Variants in MGAT4C observed in about 807,000 individuals in gnomAD.
MGAT4C encodes the protein MGAT4 family member C, also known as alpha-1,3-mannosyl-glycoprotein 4-beta-N-acetylglucosaminyltransferase C.
In MGAT4C, 19 loss-of-function variants were observed where a neutral mutation model predicts 40.1. The observed-to-expected ratio is 0.47, with a 90% CI of 0.33 to 0.70. The LOEUF (loss-of-function observed/expected upper bound fraction) is 0.70. Ranked by LOEUF, MGAT4C falls within the 30% of genes least tolerant of loss-of-function variation. The pLI, the probability that MGAT4C is intolerant of heterozygous loss-of-function variation, is 0.02. For missense variants in MGAT4C, 491 were observed against 563.2 expected, an observed-to-expected ratio of 0.87 and a Z score of 1.30; for synonymous variants, 181 against 187.1, an observed-to-expected ratio of 0.97 and a Z score of 0.27.
intron 2 of MGAT4C, among the ~76,000 whole-genome samples, chr12:86,588,161 A>AGG (rs1961151345): frequency 6.6e-6 from 1 of 151,138 alleles, no homozygotes; most frequent in Non-Finnish European, 1.5e-5. Flanking sequence ...AGCATGAAGC[A>AGG]TTGTTGAATT....
In MGAT4C at chr12:85,979,155, T is replaced by C. The variant is rs1884240689; in HGVS notation, c.*134A>G. 1 of 667,392 alleles carries C rather than the reference T, an allele frequency of 1.5e-6. No individual in the cohort carries two copies. Among genetic ancestry groups the C allele is most frequent in the Admixed American group, 3.3e-5 (1 of 30,372 alleles). The allele number at this position is 667,392 out of a possible 1,614,324, so 41.3% of individuals were successfully genotyped here. ...AGAGTAAAATTATGTCAACAATGTATAAATGAAAACTGCCAATGTAATTAA... is the reference window on the plus strand; with the variant it reads ...AGAGTAAAATTATGTCAACAATGTACAAATGAAAACTGCCAATGTAATTAA... On this transcript the variant is annotated 3_prime_UTR_variant, in exon 5 of 5. Coordinates refer to ENST00000611864, the MANE Select transcript of MGAT4C (RefSeq NM_001351288.2).
chr12:86,369,339 A>C (rs1353669266), intron 3 of MGAT4C, among the ~76,000 whole-genome samples: 1 of 151,926 alleles, frequency 6.6e-6, no homozygotes, highest in Non-Finnish European at 1.5e-5. Context: ...ATTTATGGTA[A>C]TTATGGAACT....
chr12:86,240,864 C>T (rs1951755608), intron 1 of MGAT4C, among the ~76,000 whole-genome samples: 1 of 152,212 alleles, frequency 6.6e-6, no homozygotes, highest in African/African-American at 2.4e-5. Context: ...CTTTTCACCC[C>T]TTCAGTATGG....
chr12:86,012,258 G>A (rs781054654), intron 2 of MGAT4C, among the ~76,000 whole-genome samples: 35 of 152,068 alleles, frequency 2.3e-4, no homozygotes, highest in Non-Finnish European at 4.0e-4. Flanking sequence ...TACTAATTAT[G>A]TTGTGTTTTC....
At chr12:85,996,026 C>A (rs1306639601) in intron 2 of MGAT4C, among the ~76,000 whole-genome samples, 1 of 152,144 alleles carries the variant, frequency 6.6e-6, no homozygotes, top group Non-Finnish European at 1.5e-5. Flanking sequence ...CAAAGTACAG[C>A]ACTCTTTAAA....
intron 1 of MGAT4C, among the ~76,000 whole-genome samples, chr12:86,166,400 G>A (rs182361799): frequency 4.7e-4 from 71 of 152,284 alleles, no homozygotes; most frequent in East Asian, 2.3e-3. Flanking sequence ...GGGTGGGTGC[G>A]GTGGCTCACG....
At chr12:86,718,671 A>T (rs1950689373) in intron 2 of MGAT4C, among the ~76,000 whole-genome samples, 1 of 152,128 alleles carries the variant, frequency 6.6e-6, no homozygotes, top group Non-Finnish European at 1.5e-5. Context: ...CAGGCAAGGG[A>T]CCATTACCAC....
At chr12:86,715,080 T>C (rs1950622606) in intron 2 of MGAT4C, among the ~76,000 whole-genome samples, 1 of 152,136 alleles carries the variant, frequency 6.6e-6, no homozygotes, top group Non-Finnish European at 1.5e-5. Flanking sequence ...TGTATAATTA[T>C]ATATAATTCC....
intron 2 of MGAT4C, among the ~76,000 whole-genome samples, chr12:86,674,415 T>C (rs1964339371): frequency 6.6e-6 from 1 of 152,054 alleles, no homozygotes; most frequent in East Asian, 1.9e-4. Flanking sequence ...AATACAGACT[T>C]TTTCAGGGAT....
At chr12:86,397,547 G>A (rs967029220) in intron 3 of MGAT4C, among the ~76,000 whole-genome samples, 1 of 151,996 alleles carries the variant, frequency 6.6e-6, no homozygotes, top group Non-Finnish European at 1.5e-5. Flanking sequence ...TATATCTAGT[G>A]TAGATATCTT....
intron 1 of MGAT4C, among the ~76,000 whole-genome samples, chr12:86,135,445 A>G (rs1488460736): frequency 6.6e-6 from 1 of 151,988 alleles, no homozygotes; most frequent in Non-Finnish European, 1.5e-5. Flanking sequence ...ATCAGGGGAG[A>G]GTATGTGCGT....
At chr12:86,027,518 A>AT (rs1359075012) in intron 2 of MGAT4C, among the ~76,000 whole-genome samples, 1 of 151,924 alleles carries the variant, frequency 6.6e-6, no homozygotes, top group Non-Finnish European at 1.5e-5. Context: ...TAAAATACAC[A>AT]TGGTTTTTCA....
Position 86,395,734 on chromosome 12 carries a change from T to C in MGAT4C, c.-120+39423A>G, listed in dbSNP as rs914144882. ...CCTTGATTTTCTTTCCCTTGAAATC[T>C]ATAACACAGCTTTAAAGTGAGTGTC... On this transcript the variant is annotated intron_variant, in intron 3 of 7. Transcript: ENST00000548651. 2.6e-5 allele frequency among the ~76,000 whole-genome samples: 4 copies of C among 152,196 alleles called. 1 individual carries two copies. The highest frequency in any genetic ancestry group is 9.7e-5 in the African/African-American group (4 of 41,432).
rs560023337 is a variant in MGAT4C, at chr12:86,180,081, C to A, written c.-57+76158G>T. On this transcript the variant is annotated intron_variant, in intron 1 of 4. Transcript: ENST00000611864. ...CTGTGTGCACCCTTGGGACTTGGTG[C>A]CCTGTGTTCCTGCCACTCCAGCCAT... Among the ~76,000 whole-genome samples, 9 of 152,282 alleles carry A rather than the reference C, an allele frequency of 5.9e-5. No individual in the cohort carries two copies. In the East Asian group the frequency reaches 1.7e-3, roughly 29 times the overall value.
intron 4 of MGAT4C, among the ~76,000 whole-genome samples, chr12:86,289,114 C>G (rs1953434627): frequency 1.3e-5 from 2 of 152,106 alleles, no homozygotes; most frequent in South Asian, 4.1e-4. Flanking sequence ...CAGTTTCAAT[C>G]TTCTGCCTAG....
chr12:86,725,598 T>C (rs1440281464), intron 2 of MGAT4C, among the ~76,000 whole-genome samples: 1 of 152,048 alleles, frequency 6.6e-6, no homozygotes, highest in Non-Finnish European at 1.5e-5. Flanking sequence ...GTAGCTGGGA[T>C]TACAGGCGCA....
At chr12:86,712,362 G>A (rs1318591769) in intron 2 of MGAT4C, among the ~76,000 whole-genome samples, 4 of 151,956 alleles carry the variant, frequency 2.6e-5, no homozygotes, top group South Asian at 4.1e-4. Context: ...ATCAGTTCTC[G>A]ATCCATGAAT....
At chr12:86,463,881 T>G (rs1266085284) in intron 2 of MGAT4C, among the ~76,000 whole-genome samples, 1 of 152,162 alleles carries the variant, frequency 6.6e-6, no homozygotes, top group Non-Finnish European at 1.5e-5. Flanking sequence ...AACGCAAAAC[T>G]TAAGATTTAA....
At chr12:86,286,653 G>T (rs1012201275) in intron 4 of MGAT4C, among the ~76,000 whole-genome samples, 1 of 152,078 alleles carries the variant, frequency 6.6e-6, no homozygotes, top group Non-Finnish European at 1.5e-5. Flanking sequence ...ATTGTGTGCT[G>T]CAGGGGTTTG....
Sources: gnomAD v4.1 joint callset for allele counts (sites outside exome capture counted in the v4.1 genomes callset) on GRCh38, gnomAD v4.1.1 for gene constraint, MANE v1.5 for transcripts, NCBI Gene and HGNC (gene_info 2026-07-23, HGNC 2026-07-21) for gene names.